The following KIF6 variants were observed in gnomAD, a reference collection of about 807,000 sequenced individuals.
KIF6 encodes kinesin-like protein KIF6.
In KIF6, 106 loss-of-function variants were observed where a neutral mutation model predicts 112.7. The observed-to-expected ratio is 0.94, with a 90% confidence interval of 0.80 to 1.11. The LOEUF (loss-of-function observed/expected upper bound fraction) is 1.11. Ranked by LOEUF, KIF6 falls within the 50% of genes least tolerant of loss-of-function variation. The pLI, the probability that KIF6 is intolerant of heterozygous loss-of-function variation, is 0.00. For synonymous variants in KIF6, 339 were observed against 339.9 expected, an observed-to-expected ratio of 1.00 and a Z score of 0.03; for missense variants, 929 against 964.0, an observed-to-expected ratio of 0.96 and a Z score of 0.48.
At chr6:39,497,060 T>C (rs1451097460) in intron 13 of KIF6, among the ~76,000 whole-genome samples, 2 of 152,246 alleles carry the variant, frequency 1.3e-5, no homozygotes, top group Non-Finnish European at 2.9e-5. Context: ...CGTGTGGCCA[T>C]GTGCAGCTCC....
At chr6:39,407,928 A>G (rs1258609550) in intron 15 of KIF6, among the ~76,000 whole-genome samples, 1 of 152,216 alleles carries the variant, frequency 6.6e-6, no homozygotes, top group East Asian at 1.9e-4. Flanking sequence ...CTTGAAAAAC[A>G]GAAAAAAGCA....
At chr6:39,642,174 T>C (rs1247855306) in intron 3 of KIF6, among the ~76,000 whole-genome samples, 1 of 152,162 alleles carries the variant, frequency 6.6e-6, no homozygotes, top group African/African-American at 2.4e-5. Flanking sequence ...AGTGGTGTAA[T>C]GAACTTTGAA....
At chr6:39,366,615 A>T (rs1364712424) in intron 16 of KIF6, among the ~76,000 whole-genome samples, 2 of 152,184 alleles carry the variant, frequency 1.3e-5, no homozygotes, top group Non-Finnish European at 2.9e-5. Context: ...ACCTGAATGG[A>T]GGAAGGGAAC....
At chr6:39,512,904 A>C (rs1386064389) in intron 13 of KIF6, among the ~76,000 whole-genome samples, 1 of 152,166 alleles carries the variant, frequency 6.6e-6, no homozygotes, top group East Asian at 1.9e-4. Flanking sequence ...AAAACTTGGT[A>C]CCATGAGCCA....
At chr6:39,553,312 G>A (rs1779497623) in intron 10 of KIF6, among the ~76,000 whole-genome samples, 2 of 152,158 alleles carry the variant, frequency 1.3e-5, no homozygotes, top group South Asian at 4.1e-4. Context: ...CTTCTGTAGG[G>A]TAAATTCATC....
At chr6:39,362,020 GC>G (rs1432710624) in intron 17 of KIF6, among the ~76,000 whole-genome samples, 12 of 152,172 alleles carry the variant, frequency 7.9e-5, no homozygotes, top group Non-Finnish European at 4.4e-5. Context: ...ATGGCTACAT[GC>G]CTGTTTATGC....
rs759528125 is a variant in KIF6 at position 39,460,536 on chromosome 6, TAAAAAAAAAA to T, written c.1646-29385_1646-29376del. Among the ~76,000 whole-genome samples, 12 of 57,078 alleles carry T rather than the reference TAAAAAAAAAA, an allele frequency of 2.1e-4. 1 individual carries two copies. The highest frequency in any genetic ancestry group is 8.7e-4 in the African/African-American group (12 of 13,786). 37.4% of individuals were successfully genotyped at this position (57,078 alleles called of 152,430 possible). On this transcript the variant is annotated intron_variant, in intron 13 of 22. Transcript: ENST00000287152. The stretch of plus-strand genomic sequence containing the variant: ...ACTTAAAGTATAATAAAAAAAAAAG[TAAAAAAAAAA>T]AAAAAAAAAAAAAAGATCTTAAAAG...
At chr6:39,364,253 G>A (rs1034727210) in intron 16 of KIF6, among the ~76,000 whole-genome samples, 1 of 151,988 alleles carries the variant, frequency 6.6e-6, no homozygotes, top group Non-Finnish European at 1.5e-5. Flanking sequence ...GGGTGGTGTG[G>A]TAGTGGTATG....
At chr6:39,513,161 T>C (rs1776872152) in intron 13 of KIF6, among the ~76,000 whole-genome samples, 1 of 152,178 alleles carries the variant, frequency 6.6e-6, no homozygotes. Flanking sequence ...CCATCTGAGT[T>C]TGCCATGACA....
At chr6:39,434,028 C>T (rs781272876) in intron 13 of KIF6, among the ~76,000 whole-genome samples, 1 of 152,174 alleles carries the variant, frequency 6.6e-6, no homozygotes, top group South Asian at 2.1e-4. Flanking sequence ...AAAACAGGCT[C>T]TTTCTCCTAT....
intron 13 of KIF6, among the ~76,000 whole-genome samples, chr6:39,504,657 G>C (rs1776336588): frequency 6.6e-6 from 1 of 152,140 alleles, no homozygotes; most frequent in African/African-American, 2.4e-5. Flanking sequence ...AAAGTCTCAG[G>C]ATAGAAAATC....
In KIF6 at chr6:39,342,524, T is replaced by C. The variant is rs892221718; in HGVS notation, c.2428+1185A>G. On this transcript the variant is annotated intron_variant, in intron 22 of 22. Coordinates refer to ENST00000287152, the MANE Select transcript of KIF6 (RefSeq NM_145027.6). The surrounding 1 kb of genome is among the most constrained non-coding windows in gnomAD (Gnocchi z 4.7). ...TGCTGACTGATTGGCTGTTCATTGCTGTTCAGTGCCTGATACCTATCATCA... is the reference window on the plus strand; with the variant it reads ...TGCTGACTGATTGGCTGTTCATTGCCGTTCAGTGCCTGATACCTATCATCA... Among the ~76,000 whole-genome samples, 1 of 151,768 alleles carries C rather than the reference T, an allele frequency of 6.6e-6. No homozygotes were observed. The highest frequency in any genetic ancestry group is 2.4e-5 in the African/African-American group (1 of 41,046).
At chr6:39,590,440 T>C (rs1582214689) in intron 7 of KIF6, among the ~76,000 whole-genome samples, 1 of 129,194 alleles carries the variant, frequency 7.7e-6, no homozygotes, top group Non-Finnish European at 1.6e-5. Context: ...TATATATATA[T>C]ATATATATAT....
rs568113492 is a variant in KIF6 at position 39,601,576 on chromosome 6, A to G, written c.640-5316T>C. Among the ~76,000 whole-genome samples, 57 of 152,232 alleles carry G rather than the reference A, an allele frequency of 3.7e-4. 1 individual carries two copies. Among genetic ancestry groups the G allele is most frequent in the South Asian group, 2.9e-3 (14 of 4,826 alleles). ...ATTATTTCAAAAGTAGCCTAACCAC[A>G]GCAGAGGACATTGGATGTATTACTT... On this transcript the variant is annotated intron_variant, in intron 6 of 22. Coordinates refer to ENST00000287152, the MANE Select transcript of KIF6 (RefSeq NM_145027.6).
intron 7 of KIF6, among the ~76,000 whole-genome samples, chr6:39,591,750 G>T (rs1318390298): frequency 6.6e-6 from 1 of 152,164 alleles, no homozygotes; most frequent in Non-Finnish European, 1.5e-5. Flanking sequence ...TTGTGAGGCT[G>T]GTGTGAGTTC....
chr6:39,407,725 T>C (rs1389533244), intron 15 of KIF6, among the ~76,000 whole-genome samples: 1 of 152,222 alleles, frequency 6.6e-6, no homozygotes, highest in Non-Finnish European at 1.5e-5. Context: ...GTTTTAACCA[T>C]CTGTATGCAG....
At chr6:39,648,433 A>G (rs1785293491) in intron 3 of KIF6, among the ~76,000 whole-genome samples, 1 of 152,174 alleles carries the variant, frequency 6.6e-6, no homozygotes, top group Admixed American at 6.5e-5. Context: ...TTGAGTTGGA[A>G]TTCAGTTACA....
At chr6:39,494,707 GA>G (rs546183054) in intron 13 of KIF6, among the ~76,000 whole-genome samples, 2 of 150,186 alleles carry the variant, frequency 1.3e-5, no homozygotes, top group Middle Eastern at 3.5e-3. Flanking sequence ...TTTTTAATAG[GA>G]AAAAAAATCA....
intron 13 of KIF6, among the ~76,000 whole-genome samples, chr6:39,527,461 C>T (rs1351724898): frequency 6.6e-6 from 1 of 152,104 alleles, no homozygotes; most frequent in Non-Finnish European, 1.5e-5. Context: ...AATACCTCCC[C>T]AGAGCACAAC....
Sources: gnomAD v4.1 joint callset for allele counts (sites outside exome capture counted in the v4.1 genomes callset) on GRCh38, gnomAD v4.1.1 for gene constraint, Gnocchi (gnomAD v3.1) non-coding constraint, MANE v1.5 for transcripts, NCBI Gene and HGNC (gene_info 2026-07-23, HGNC 2026-07-21) for gene names.